The following ZC3H12B variants were observed in gnomAD, a reference collection of about 807,000 sequenced individuals.
ZC3H12B encodes the protein probable ribonuclease ZC3H12B.
In ZC3H12B, 7 loss-of-function variants were observed where a neutral mutation model predicts 43.9. The ratio of observed to expected loss-of-function variants is 0.16; its 90% CI spans 0.09 to 0.30. ZC3H12B has a LOEUF of 0.30. Among genes scored for constraint, ZC3H12B ranks in the 10% least tolerant of loss-of-function variants. The probability of loss-of-function intolerance (pLI) is 1.00; values close to 1 mark genes in which losing one functional copy is unlikely to be tolerated. For missense variants in ZC3H12B, 475 were observed against 670.2 expected (o/e 0.71, Z 3.22); for synonymous variants, 222 against 241.7 (o/e 0.92, Z 0.76).
At chrX:65,061,428 G>A in the ZC3H12B span, among the ~76,000 whole-genome samples, 2 of 112,258 alleles carry the variant, frequency 1.8e-5, no homozygotes, top group Admixed American at 1.9e-4. Context: ...ATGGTTTTCT[G>A]TTCCTGTGTC....
At chrX:65,365,473 C>G (rs2066161271), upstream of ZC3H12B, among the ~76,000 whole-genome samples, 1 of 110,885 alleles carries the variant, frequency 9.0e-6, no homozygotes, top group African/African-American at 3.3e-5. Context: ...CAATATCACC[C>G]CTTACCACGA....
At chrX:65,312,887 T>G in the ZC3H12B span, among the ~76,000 whole-genome samples, 1 of 111,736 alleles carries the variant, frequency 8.9e-6, no homozygotes, top group Non-Finnish European at 1.9e-5. Context: ...TTTGTTTTTT[T>G]TGTTTGTTTT....
chrX:65,429,587 A>G (rs1189398150), intron 3 of ZC3H12B, among the ~76,000 whole-genome samples: 1 of 112,458 alleles, frequency 8.9e-6, no homozygotes, highest in Non-Finnish European at 1.9e-5. Flanking sequence ...TCTCACCTGG[A>G]CCATTTGGAT....
intron 3 of ZC3H12B, among the ~76,000 whole-genome samples, chrX:65,457,936 C>T (rs1163739287): frequency 6.2e-5 from 4 of 64,263 alleles, no homozygotes; most frequent in Non-Finnish European, 8.2e-5. Flanking sequence ...TGCGGAAGGC[C>T]GCAGGGTCCT....
chrX:65,193,192 TCTTC>T, the ZC3H12B span, among the ~76,000 whole-genome samples: 2 of 109,786 alleles, frequency 1.8e-5, no homozygotes, highest in East Asian at 2.9e-4. Context: ...AGTATGGAAG[TCTTC>T]CTTCCTCCTC....
the ZC3H12B span, among the ~76,000 whole-genome samples, chrX:65,168,495 C>A: frequency 9.1e-6 from 1 of 109,568 alleles, no homozygotes; most frequent in Admixed American, 9.8e-5. Context: ...GTCTAAAATT[C>A]TCTTTTTTTT....
chrX:65,069,968 T>G, the ZC3H12B span, among the ~76,000 whole-genome samples: 181 of 111,259 alleles, frequency 1.6e-3, 6 homozygotes, highest in South Asian at 0.066. Context: ...ATATAAATAG[T>G]TGGGGATGAG....
the ZC3H12B span, among the ~76,000 whole-genome samples, chrX:65,196,585 C>T: frequency 9.0e-6 from 1 of 111,712 alleles, no homozygotes; most frequent in African/African-American, 3.3e-5. Flanking sequence ...AGAAGGACCA[C>T]CAGACGTAGA....
the ZC3H12B span, among the ~76,000 whole-genome samples, chrX:65,198,680 TC>T: frequency 2.7e-5 from 3 of 111,934 alleles, no homozygotes; most frequent in African/African-American, 9.7e-5. Context: ...GAGGTTGTCT[TC>T]TTTGGATTAA....
chrX:65,202,429 G>A, the ZC3H12B span, among the ~76,000 whole-genome samples: 3 of 108,400 alleles, frequency 2.8e-5, no homozygotes, highest in African/African-American at 6.7e-5. Context: ...TAAGGTTTTG[G>A]TCATTGCAGC....
the ZC3H12B span, among the ~76,000 whole-genome samples, chrX:65,216,303 T>C: frequency 9.0e-6 from 1 of 110,845 alleles, no homozygotes; most frequent in Non-Finnish European, 1.9e-5. Flanking sequence ...AGAGAGTATA[T>C]GTGTGCTTGA....
chrX:65,372,657 GGAAGGAAGGAAAA>G (rs1024656119), intron 2 of ZC3H12B, among the ~76,000 whole-genome samples: 13 of 110,929 alleles, frequency 1.2e-4, no homozygotes, highest in African/African-American at 4.3e-4. Flanking sequence ...AGGAAGGAAA[GGAAGGAAGGAAAA>G]CTTTCAATTT....
At chrX:65,329,204 G>A in the ZC3H12B span, among the ~76,000 whole-genome samples, 1 of 111,195 alleles carries the variant, frequency 9.0e-6, no homozygotes, top group Non-Finnish European at 1.9e-5. Flanking sequence ...ATCCTCTCCA[G>A]CACCTGTTCT....
At chrX:65,196,061 T>C in the ZC3H12B span, among the ~76,000 whole-genome samples, 2 of 111,236 alleles carry the variant, frequency 1.8e-5, no homozygotes, top group African/African-American at 6.5e-5. Flanking sequence ...GCAGAATATC[T>C]GTGTGTCAGC....
the ZC3H12B span, among the ~76,000 whole-genome samples, chrX:65,113,023 G>A: frequency 9.0e-6 from 1 of 111,655 alleles, no homozygotes; most frequent in Non-Finnish European, 1.9e-5. Context: ...TTCAGGGGAG[G>A]AAGTCAAAAT....
the ZC3H12B span, among the ~76,000 whole-genome samples, chrX:65,193,258 G>A: frequency 9.0e-6 from 1 of 110,883 alleles, no homozygotes; most frequent in African/African-American, 3.3e-5. Context: ...TAAATGTTTG[G>A]TGAGATTCAG....
chrX:65,138,331 G>T, the ZC3H12B span, among the ~76,000 whole-genome samples: 1 of 111,279 alleles, frequency 9.0e-6, no homozygotes, highest in African/African-American at 3.3e-5. Flanking sequence ...AGACTGTGTG[G>T]AATTCATCTT....
the ZC3H12B span, among the ~76,000 whole-genome samples, chrX:65,307,304 C>A: frequency 9.0e-6 from 1 of 111,591 alleles, no homozygotes; most frequent in Non-Finnish European, 1.9e-5. Context: ...GATATGTGTC[C>A]ATGAATTAGA....
the ZC3H12B span, among the ~76,000 whole-genome samples, chrX:65,347,425 G>A: frequency 8.9e-6 from 1 of 111,827 alleles, no homozygotes; most frequent in African/African-American, 3.3e-5. Flanking sequence ...AGTGGGCAAA[G>A]GATATGAACA....
Sources: gnomAD v4.1 joint callset for allele counts (sites outside exome capture counted in the v4.1 genomes callset) on GRCh38, gnomAD v4.1.1 for gene constraint, MANE v1.5 for transcripts, NCBI Gene and HGNC (gene_info 2026-07-23, HGNC 2026-07-21) for gene names.